The following PCSK9 variants were observed in gnomAD, a reference collection of about 807,000 sequenced individuals.
PCSK9 encodes proprotein convertase subtilisin/kexin type 9, also known as convertase subtilisin/kexin type 9 preproprotein.
PCSK9 carries 57 observed loss-of-function variants against 62.1 expected under a neutral mutation model. The ratio of observed to expected loss-of-function variants is 0.92; its 90% CI spans 0.74 to 1.14. The LOEUF (loss-of-function observed/expected upper bound fraction) is 1.14, where lower values mean the gene tolerates loss of function less well. Ranked by LOEUF, PCSK9 falls within the 50% of genes most tolerant of loss-of-function variation. The probability of loss-of-function intolerance (pLI) is 0.00; values close to 1 mark genes in which losing one functional copy is unlikely to be tolerated. For synonymous variants in PCSK9, 387 were observed against 409.4 expected, an observed-to-expected ratio of 0.95 and a Z score of 0.66; for missense variants, 870 against 959.8, an observed-to-expected ratio of 0.91 and a Z score of 1.24.
chr1:55,063,210 G>A (rs72646529), intron 11 of PCSK9, among the ~76,000 whole-genome samples, 159 bp from the exon 12 acceptor site: 70 of 152,280 alleles, frequency 4.6e-4, no homozygotes, highest in Non-Finnish European at 8.1e-4. Context: ...TGGGAGGTGC[G>A]GGGTGGGAGA....
chr1:55,046,378 C>T (rs1644634909), intron 2 of PCSK9, 145 bp from the exon 3 acceptor site: 3 of 1,258,362 alleles, frequency 2.4e-6, no homozygotes, highest in Non-Finnish European at 3.5e-6. Context: ...CTAGTCTGTC[C>T]TCCGGGGCAC....
intron 3 of PCSK9, among the ~76,000 whole-genome samples, chr1:55,049,597 G>A (rs530285771): frequency 1.3e-5 from 2 of 152,320 alleles, no homozygotes; most frequent in East Asian, 3.9e-4. Flanking sequence ...GATAGAGGGA[G>A]GCCTAGGAAG....
rs1644781538 is a variant in PCSK9, at chr1:55,063,835, CCATT to C, written c.*254_*257del. The C allele has an allele frequency of 3.5e-6, 2 of 573,430 alleles. No individual in the cohort carries two copies. Among genetic ancestry groups the C allele is most frequent in the Admixed American group, 3.0e-5 (1 of 32,834 alleles). The allele number at this position is 573,430 out of a possible 1,614,324, so 35.5% of individuals were successfully genotyped here. On this transcript the variant is annotated 3_prime_UTR_variant, in exon 12 of 12. Transcript: ENST00000302118. ...CCCTCCCTCACTGTGGGGCATTTCA[CCATT>C]CAAACAGGTCGAGCTGTGCTCGGGT... is the stretch of plus-strand genomic sequence containing the variant.
At position 55,061,458 on chromosome 1, in the gene PCSK9, G is replaced by A. The variant is rs372586224; in HGVS notation, c.1765G>A (p.Val589Met). The A allele has an allele frequency of 6.8e-6, 11 of 1,608,158 alleles. No homozygotes were observed. Among genetic ancestry groups the A allele is most frequent in the East Asian group, 6.7e-5 (3 of 44,698 alleles). ...LRPRGQPNQC[V>M]GHREASIHAS... ...GCCACGAGGTCAGCCCAACCAGTGC[G>A]TGGGCCACAGGGAGGCCAGCATCCA... is the stretch of plus-strand genomic sequence containing the variant. Residue 589 changes from valine (V) to methionine (M), a missense_variant, in exon 11 of 12, where the codon GTG becomes ATG. Coordinates refer to ENST00000302118, the MANE Select transcript of PCSK9 (RefSeq NM_174936.4).
In PCSK9 at chr1:55,055,986, C is replaced by T. The variant is rs1161007432; in HGVS notation, c.800-7C>T. 1 of 1,605,318 alleles carries T rather than the reference C, an allele frequency of 6.2e-7. No homozygotes were observed. The highest frequency in any genetic ancestry group is 8.5e-7 in the Non-Finnish European group (1 of 1,175,040). Reference sequence around the variant, plus strand: ...CCAAGGGGTGACCTTGGCTTTGTTCCTCCCAGGCCTGGAGTTTATTCGGAA... The same window carrying T: ...CCAAGGGGTGACCTTGGCTTTGTTCTTCCCAGGCCTGGAGTTTATTCGGAA... On this transcript the variant is annotated splice_region_variant and splice_polypyrimidine_tract_variant and intron_variant, in intron 5 of 11. Coordinates refer to ENST00000302118, the MANE Select transcript of PCSK9 (RefSeq NM_174936.4).
intron 2 of PCSK9, 64 bp downstream of exon 2, chr1:55,044,098 G>C: frequency 1.3e-6 from 2 of 1,574,302 alleles, no homozygotes; most frequent in Non-Finnish European, 1.7e-6. Flanking sequence ...ATACACTGGG[G>C]ACTGTGCTTA....
chr1:55,046,608 C>T lies in PCSK9; in HGVS notation c.485C>T (p.Thr162Ile), dbSNP rs1177899447. 6.2e-7 allele frequency: 1 copy of T among 1,614,132 alleles called. No homozygotes were observed. The highest frequency in any genetic ancestry group is 1.3e-5 in the African/African-American group (1 of 75,042). The change falls in exon 3 of 12, where the codon ACC becomes ATC. Residue 162 changes from threonine (T) to isoleucine (I), a missense_variant. Physicochemically the swap from Thr to Ile is moderately conservative, Grantham distance 89. Coordinates refer to ENST00000302118, the MANE Select transcript of PCSK9 (RefSeq NM_174936.4). ...QSIPWNLERI[T>I]PPRYRADEYQ... ...ATCCCGTGGAACCTGGAGCGGATTA[C>T]CCCTCCACGGTACCGGGCGGATGAA... is the stretch of plus-strand genomic sequence containing the variant.
Position 55,039,870 on chromosome 1 carries a change from G to A in PCSK9, c.33G>A (p.Trp11Ter), listed in dbSNP as rs1164872643. 1 of 1,562,136 alleles carries A rather than the reference G, an allele frequency of 6.4e-7. No homozygotes were observed. The highest frequency in any genetic ancestry group is 8.7e-7 in the Non-Finnish European group (1 of 1,154,462). The part of the protein sequence containing the change: MGTVSSRRSW[W>*]PLPLLLLLLL... ...CCGTCAGCTCCAGGCGGTCCTGGTGGCCGCTGCCACTGCTGCTGCTGCTGC... is the reference window on the plus strand; with the variant it reads ...CCGTCAGCTCCAGGCGGTCCTGGTGACCGCTGCCACTGCTGCTGCTGCTGC... The change falls in exon 1 of 12, where the codon TGG (tryptophan) becomes TGA (stop). Residue 11 changes from tryptophan to a stop codon, truncating the protein, a stop_gained. Coordinates refer to ENST00000302118, the MANE Select transcript of PCSK9 (RefSeq NM_174936.4). LOFTEE classifies it high-confidence loss of function.
Position 55,063,400 on chromosome 1 carries a change from T to C in PCSK9, c.1895T>C (p.Leu632Pro), listed in dbSNP as rs1644777211. 6.2e-7 allele frequency: 1 copy of C among 1,613,864 alleles called. No individual in the cohort carries two copies. The highest frequency in any genetic ancestry group is 1.3e-5 in the African/African-American group (1 of 75,064). ...VTVACEEGWT[L>P]TGCSALPGTS... ...GTGGCCTGCGAGGAGGGCTGGACCC[T>C]GACTGGCTGCAGTGCCCTCCCTGGG... Residue 632 changes from leucine to proline, a missense_variant, in exon 12 of 12, where the codon CTG (leucine) becomes CCG (proline). Physicochemically the swap from Leu to Pro is moderately conservative, Grantham distance 98. Coordinates refer to ENST00000302118, the MANE Select transcript of PCSK9 (RefSeq NM_174936.4).
At chr1:55,056,242 GGCGGA>G in intron 6 of PCSK9, 53 bp downstream of exon 6, 1 of 1,072,828 alleles carries the variant, frequency 9.3e-7, no homozygotes, top group Non-Finnish European at 1.2e-6. Context: ...GAGGGCGGAG[GGCGGA>G]GGGAGGGCGG....
intron 2 of PCSK9, among the ~76,000 whole-genome samples, chr1:55,045,423 G>T (rs1644626530): frequency 6.6e-6 from 1 of 152,198 alleles, no homozygotes; most frequent in Non-Finnish European, 1.5e-5. Context: ...GACTAAATGA[G>T]GTCGTGAAGC....
chr1:55,055,805 G>A (rs763293553), intron 5 of PCSK9, among the ~76,000 whole-genome samples, 188 bp from the exon 6 acceptor site: 13 of 152,170 alleles, frequency 8.5e-5, no homozygotes, highest in Non-Finnish European at 1.8e-4. Context: ...GCCTTACTCC[G>A]TCTTCTGATT....
At chr1:55,058,762 C>T (rs1644736898) in intron 9 of PCSK9, 115 bp downstream of exon 9, 3 of 1,528,688 alleles carry the variant, frequency 2.0e-6, no homozygotes, top group Non-Finnish European at 8.8e-7. Context: ...CCTCCATCCT[C>T]CAGACTCCAG....
At chr1:55,056,296 T>C in intron 6 of PCSK9, 107 bp downstream of exon 6, 1 of 1,225,472 alleles carries the variant, frequency 8.2e-7, no homozygotes, top group African/African-American at 1.6e-5. Context: ...GGGCTTCTTG[T>C]GGCACGTTCC....
At position 55,039,828 on chromosome 1, in the gene PCSK9, C is replaced by T. The variant is rs1341655436; in HGVS notation, c.-10C>T. 14 of 1,567,332 alleles carry T rather than the reference C, an allele frequency of 8.9e-6. No homozygotes were observed. The highest frequency in any genetic ancestry group is 1.1e-5 in the Non-Finnish European group (13 of 1,157,292). On this transcript the variant is annotated 5_prime_UTR_variant, in exon 1 of 12. Transcript: ENST00000302118. ...TCCTCGCCAGGACAGCAACCTCTCC[C>T]CTGGCCCTCATGGGCACCGTCAGCT... is the stretch of plus-strand genomic sequence containing the variant.
At chr1:55,043,601 G>C (rs796380484) in intron 1 of PCSK9, among the ~76,000 whole-genome samples, 1 of 152,224 alleles carries the variant, frequency 6.6e-6, no homozygotes, top group Non-Finnish European at 1.5e-5. Context: ...AGTGTGGCCC[G>C]TAGTTCCCAT....
At chr1:55,056,247 AGGGAGGGC>A in intron 6 of PCSK9, 58 bp downstream of exon 6, 6 of 12,190 alleles carry the variant, frequency 4.9e-4, no homozygotes, top group African/African-American at 2.1e-3. Context: ...CGGAGGGCGG[AGGGAGGGC>A]GGGCGGGCAG....
Position 55,057,360 on chromosome 1 carries a change from A to G in PCSK9, c.1026A>G (p.Gln342=), listed in dbSNP as rs509504. The G allele has an allele frequency of 1, 1,609,105 of 1,614,038 alleles. 802,215 individuals are homozygous for G. Among genetic ancestry groups the G allele is most frequent in the East Asian group, 1 (44,866 of 44,866 alleles). The change falls in exon 7 of 12, where the codon CAA becomes CAG. Residue 342 remains glutamine, a synonymous_variant. Coordinates refer to ENST00000302118, the MANE Select transcript of PCSK9 (RefSeq NM_174936.4). ...EVITVGATNA[Q]DQPVTLGTLG... ...TCACAGTTGGGGCCACCAATGCCCA[A>G]GACCAGCCGGTGACCCTGGGGACTT...
At chr1:55,044,165 G>A (rs1345830395) in intron 2 of PCSK9, 131 bp downstream of exon 2, 10 of 1,095,252 alleles carry the variant, frequency 9.1e-6, no homozygotes, top group African/African-American at 3.1e-5. Context: ...AGCACTTATC[G>A]GGTACCAAGC....
Sources: gnomAD v4.1 joint callset for allele counts (sites outside exome capture counted in the v4.1 genomes callset) on GRCh38, gnomAD v4.1.1 for gene constraint, MANE v1.5 for transcripts, NCBI Gene and HGNC (gene_info 2026-07-23, HGNC 2026-07-21) for gene names.